Variants in AHI1 observed in about 807,000 individuals in gnomAD.
AHI1 encodes the protein Abelson helper integration site 1.
In AHI1, 123 loss-of-function variants were observed where a neutral mutation model predicts 149.3. That is an observed-to-expected ratio of 0.82 (90% confidence interval 0.71 to 0.96). The LOEUF is 0.96. Ranked by LOEUF, AHI1 falls within the 40% of genes least tolerant of loss-of-function variation. The pLI, the probability that AHI1 is intolerant of heterozygous loss-of-function variation, is 0.00. For missense variants in AHI1, 1,439 were observed against 1,422.7 expected (o/e 1.01, Z -0.18); for synonymous variants, 475 against 459.8 (o/e 1.03, Z -0.42).
intron 23 of AHI1, among the ~76,000 whole-genome samples, chr6:135,358,581 C>T (rs1220375032): frequency 1.3e-5 from 2 of 152,220 alleles, no homozygotes; most frequent in Non-Finnish European, 2.9e-5. Context: ...TGAATCACTA[C>T]TGTCTTATTT....
chr6:135,369,579 T>C, intron 23 of AHI1, among the ~76,000 whole-genome samples: 1 of 152,238 alleles, frequency 6.6e-6, no homozygotes, highest in Non-Finnish European at 1.5e-5. Context: ...TCTTCACCCA[T>C]ATTTTCTGTT....
Position 135,368,102 on chromosome 6 carries a change from C to T in AHI1, c.3110-9915G>A, listed in dbSNP as rs142818183. Among the ~76,000 whole-genome samples the T allele has an allele frequency of 1.2e-3, 188 of 152,160 alleles. 6 individuals carry two copies. Among genetic ancestry groups the T allele is most frequent in the Admixed American group, 8.5e-4 (13 of 15,274 alleles). ...GATGGGGCTTCCTGAGAGCTGTGAT[C>T]GTTGTTTTTCTTCTGGGCCCAGCCA... is the stretch of plus-strand genomic sequence containing the variant. On this transcript the variant is annotated intron_variant, in intron 23 of 28. Transcript: ENST00000265602.
At chr6:135,337,850 T>C (rs1789636975) in intron 24 of AHI1, among the ~76,000 whole-genome samples, 2 of 151,778 alleles carry the variant, frequency 1.3e-5, no homozygotes, top group African/African-American at 4.8e-5. Context: ...TATCAGTAAT[T>C]AACTGCTTAT....
intron 13 of AHI1, among the ~76,000 whole-genome samples, chr6:135,446,043 A>C (rs531848000): frequency 6.6e-6 from 1 of 151,780 alleles, no homozygotes; most frequent in African/African-American, 2.4e-5. Context: ...GCGACAGAGC[A>C]AGTCTCCGTC....
At chr6:135,298,340 A>C (rs1474145410) in intron 27 of AHI1, among the ~76,000 whole-genome samples, 6 of 151,898 alleles carry the variant, frequency 4.0e-5, no homozygotes, top group South Asian at 4.1e-4. Flanking sequence ...AAAAAAAAAA[A>C]AACAAAAAAA....
At chr6:135,496,366 C>T (rs1795963327) in intron 2 of AHI1, among the ~76,000 whole-genome samples, 1 of 152,184 alleles carries the variant, frequency 6.6e-6, no homozygotes, top group African/African-American at 2.4e-5. Flanking sequence ...GATCCACCCA[C>T]TTTAGCCTCC....
At chr6:135,483,689 CAG>C (rs1266176128) in intron 5 of AHI1, among the ~76,000 whole-genome samples, 1 of 152,082 alleles carries the variant, frequency 6.6e-6, no homozygotes, top group Non-Finnish European at 1.5e-5. Flanking sequence ...AAATAATAAG[CAG>C]TTTATTATGC....
Position 135,283,752 on chromosome 6 carries a change from T to G in AHI1, c.*1893A>C, listed in dbSNP as rs1781461024. On this transcript the variant is annotated 3_prime_UTR_variant, in exon 29 of 29. Coordinates refer to ENST00000265602, the MANE Select transcript of AHI1 (RefSeq NM_001134831.2). ...TCAGCGAGACAAAGGGGAAAAGGACTGGGCTTTCAGTAGAGCCAAATTTTC... is the reference window on the plus strand; with the variant it reads ...TCAGCGAGACAAAGGGGAAAAGGACGGGGCTTTCAGTAGAGCCAAATTTTC... 1 of 152,202 alleles carries G rather than the reference T, an allele frequency of 6.6e-6. No homozygotes were observed. Among genetic ancestry groups the G allele is most frequent in the Non-Finnish European group, 1.5e-5 (1 of 68,022 alleles). The allele number at this position is 152,202 out of a possible 1,614,324, so 9.4% of individuals were successfully genotyped here.
Position 135,437,497 on chromosome 6 carries a change from T to C in AHI1, c.2036+878A>G, listed in dbSNP as rs546884114. On this transcript the variant is annotated intron_variant, in intron 15 of 28. Transcript: ENST00000265602. ...TTGTTACTAATTCTCATCTTTTTCA[T>C]TTAAATAAAAACTAACCAATAATGG... Among the ~76,000 whole-genome samples, 116 of 152,376 alleles carry C rather than the reference T, an allele frequency of 7.6e-4. 1 individual carries two copies. The highest frequency in any genetic ancestry group is 8.8e-5 in the Non-Finnish European group (6 of 68,028).
chr6:135,285,670 T>G (rs1562430124), intron 28 of AHI1, 23 bp from the exon 29 acceptor site: 1 of 1,589,966 alleles, frequency 6.3e-7, no homozygotes, highest in Non-Finnish European at 8.6e-7. Context: ...ATACACAAAA[T>G]GTACTAAATA....
chr6:135,368,974 G>C (rs987828711), intron 23 of AHI1, among the ~76,000 whole-genome samples: 2 of 152,236 alleles, frequency 1.3e-5, no homozygotes, highest in African/African-American at 2.4e-5. Context: ...ACTTCAGCTA[G>C]AAGTTTCCTT....
intron 20 of AHI1, among the ~76,000 whole-genome samples, chr6:135,413,891 T>G (rs1583110805): frequency 6.6e-6 from 1 of 152,180 alleles, no homozygotes. Flanking sequence ...TGGGGTGGCA[T>G]ACTCAATATT....
chr6:135,314,099 T>C (rs930085212), intron 26 of AHI1, among the ~76,000 whole-genome samples: 14 of 152,186 alleles, frequency 9.2e-5, no homozygotes, highest in African/African-American at 3.4e-4. Context: ...AGGTTTGTGT[T>C]ATGTTTGTGT....
intron 22 of AHI1, among the ~76,000 whole-genome samples, chr6:135,403,797 C>T (rs969599756): frequency 6.6e-6 from 1 of 151,982 alleles, no homozygotes; most frequent in African/African-American, 2.4e-5. Context: ...TCTCTTTTCC[C>T]CCCTCGTCTT....
chr6:135,355,628 C>T (rs766895268), intron 24 of AHI1, among the ~76,000 whole-genome samples: 14 of 152,238 alleles, frequency 9.2e-5, no homozygotes, highest in Non-Finnish European at 1.6e-4. Flanking sequence ...CGGCTGGGCG[C>T]GGTGGCTCAT....
At chr6:135,374,120 T>A (rs1366369941) in intron 23 of AHI1, among the ~76,000 whole-genome samples, 4 of 130,534 alleles carry the variant, frequency 3.1e-5, no homozygotes, top group African/African-American at 1.1e-4. Flanking sequence ...TTTTTTTTTT[T>A]TTTTTTTTTT....
chr6:135,353,744 T>A (rs1792524789), intron 24 of AHI1, among the ~76,000 whole-genome samples: 1 of 152,040 alleles, frequency 6.6e-6, no homozygotes, highest in Non-Finnish European at 1.5e-5. Flanking sequence ...ATGAATAAGT[T>A]TAGTGTTAAT....
At chr6:135,305,187 A>T (rs539438658) in intron 26 of AHI1, 5 of 151,396 alleles carry the variant, frequency 3.3e-5, no homozygotes, top group African/African-American at 9.7e-5. Context: ...AATTCACTCT[A>T]AAAAAAAATG....
At chr6:135,367,113 T>G (rs1185232736) in intron 23 of AHI1, among the ~76,000 whole-genome samples, 1 of 152,200 alleles carries the variant, frequency 6.6e-6, no homozygotes, top group Non-Finnish European at 1.5e-5. Flanking sequence ...GTTCCTTCAT[T>G]TATGAAGCTT....
Sources: allele counts gnomAD v4.1 joint callset (sites outside exome capture counted in the v4.1 genomes callset), GRCh38; gene constraint gnomAD v4.1.1; transcripts MANE v1.5; gene names NCBI Gene and HGNC (gene_info 2026-07-23, HGNC 2026-07-21).